The following KANSL1 variants were observed in gnomAD, a reference collection of about 807,000 sequenced individuals.
KANSL1 encodes MLL1/MLL complex subunit KANSL1.
Under a neutral mutation model 103.6 loss-of-function variants are expected in KANSL1, and 22 were observed. The ratio of observed to expected loss-of-function variants is 0.21; its 90% CI spans 0.15 to 0.30. KANSL1 has a LOEUF of 0.30. KANSL1 is among the 10% of genes least tolerant of loss of function. The pLI, the probability that KANSL1 is intolerant of heterozygous loss-of-function variation, is 1.00. For missense variants in KANSL1, 1,337 were observed against 1,399.8 expected, an observed-to-expected ratio of 0.96 and a Z score of 0.72; for synonymous variants, 600 against 527.6, an observed-to-expected ratio of 1.14 and a Z score of -1.88.
intron 2 of KANSL1, among the ~76,000 whole-genome samples, chr17:46,111,256 G>T (rs2042789856): frequency 6.6e-6 from 1 of 152,192 alleles, no homozygotes; most frequent in Non-Finnish European, 1.5e-5. Flanking sequence ...TGTCGTCCAG[G>T]CTGGAGTGCG....
intron 1 of KANSL1, chr17:46,222,957 T>C (rs1361000124): frequency 3.3e-5 from 5 of 151,132 alleles, no homozygotes; most frequent in Admixed American, 6.6e-5. Context: ...AATGGAGAGT[T>C]CTTTGGCCAT....
intron 2 of KANSL1, among the ~76,000 whole-genome samples, chr17:46,139,112 T>C (rs1436389159): frequency 3.3e-5 from 5 of 152,242 alleles, no homozygotes; most frequent in Admixed American, 1.3e-4. Flanking sequence ...AAGTCTTTCA[T>C]TGCTGCTCTA....
Position 46,050,623 on chromosome 17 carries a change from T to G in KANSL1, c.1930A>C (p.Met644Leu), listed in dbSNP as rs752955067. Residue 644 changes from methionine to leucine, a missense_variant, in exon 7 of 15, where the codon ATG becomes CTG. Met to Leu is a conservative substitution (Grantham distance 15). Coordinates refer to ENST00000432791, the MANE Select transcript of KANSL1 (RefSeq NM_015443.4). ...ALCGSGSINT[M>L]PPEIHYEAPL... ...GCTTCATAGTGAATTTCGGGAGGCA[T>G]GGTGTTGATGCTGCCTGAACCACAC... 2 of 1,613,982 alleles carry G rather than the reference T, an allele frequency of 1.2e-6. No individual in the cohort carries two copies. Among genetic ancestry groups the G allele is most frequent in the African/African-American group, 2.7e-5 (2 of 74,894 alleles).
chr17:46,099,416 G>A (rs1305320288), intron 2 of KANSL1, among the ~76,000 whole-genome samples: 2 of 151,340 alleles, frequency 1.3e-5, no homozygotes, highest in East Asian at 1.9e-4. Context: ...CTCAATATTC[G>A]AAGTGTAAAT....
At chr17:46,090,027 T>C (rs748596123) in intron 3 of KANSL1, among the ~76,000 whole-genome samples, 2 of 152,232 alleles carry the variant, frequency 1.3e-5, no homozygotes, top group Non-Finnish European at 2.9e-5. Context: ...AAAAGGGTCT[T>C]TGCAGATGTA....
At chr17:46,091,112 A>G (rs1598595603) in intron 3 of KANSL1, among the ~76,000 whole-genome samples, 1 of 152,242 alleles carries the variant, frequency 6.6e-6, no homozygotes, top group Non-Finnish European at 1.5e-5. Flanking sequence ...TAACAGTGTA[A>G]CAAGATGTGA....
At chr17:46,165,518 A>AT (rs146103384) in intron 2 of KANSL1, among the ~76,000 whole-genome samples, 19,267 of 142,814 alleles carry the variant, frequency 0.13, 1,557 homozygotes, top group East Asian at 0.44. Context: ...AGGTATTTTT[A>AT]TTTTTTTTTT....
intron 2 of KANSL1, among the ~76,000 whole-genome samples, chr17:46,111,502 G>A (rs533096875): frequency 5.3e-5 from 8 of 152,158 alleles, no homozygotes; most frequent in African/African-American, 1.9e-4. Flanking sequence ...GATCCACCGT[G>A]CCCAACCGAA....
chr17:46,189,525 G>A (rs2047206331), intron 1 of KANSL1, among the ~76,000 whole-genome samples: 1 of 152,102 alleles, frequency 6.6e-6, no homozygotes, highest in Admixed American at 6.5e-5. Flanking sequence ...CTTTAAACAT[G>A]GCGTTTACTA....
chr17:46,084,076 G>A (rs973307953), intron 3 of KANSL1, among the ~76,000 whole-genome samples: 7 of 146,756 alleles, frequency 4.8e-5, no homozygotes, highest in South Asian at 2.1e-4. Flanking sequence ...CACTTAGCCC[G>A]TATCAAAAAT....
At chr17:46,119,118 G>T (rs2043167521) in intron 2 of KANSL1, among the ~76,000 whole-genome samples, 1 of 152,064 alleles carries the variant, frequency 6.6e-6, no homozygotes, top group South Asian at 2.1e-4. Context: ...CTTTGTTCCG[G>T]GCATTGTGCT....
chr17:46,035,943 G>A (rs1171979980), intron 10 of KANSL1: 1 of 151,604 alleles, frequency 6.6e-6, no homozygotes, highest in Non-Finnish European at 1.5e-5. Flanking sequence ...CCTATTTAGA[G>A]CCAGAGATAG....
At chr17:46,197,619 C>T (rs2696441), upstream of KANSL1, among the ~76,000 whole-genome samples, 4 of 152,104 alleles carry the variant, frequency 2.6e-5, no homozygotes, top group Non-Finnish European at 4.4e-5. Context: ...CTCCAGCCTA[C>T]GCGACAGAAG....
chr17:46,152,395 AAAC>A (rs1372838226), intron 2 of KANSL1, among the ~76,000 whole-genome samples: 1 of 152,278 alleles, frequency 6.6e-6, no homozygotes, highest in African/African-American at 2.4e-5. Flanking sequence ...ACTATCAAGA[AAAC>A]AACAGAATAC....
chr17:46,044,011 T>C (rs1277108585), intron 7 of KANSL1: 1 of 139,812 alleles, frequency 7.2e-6, no homozygotes, highest in African/African-American at 2.5e-5. Flanking sequence ...AAAAAAGATA[T>C]CTTAGGAATT....
intron 3 of KANSL1, among the ~76,000 whole-genome samples, chr17:46,087,381 C>T (rs186262999): frequency 1.8e-4 from 27 of 152,116 alleles, no homozygotes; most frequent in Non-Finnish European, 3.5e-4. Context: ...GTACCTCACA[C>T]CAAAAAGGAT....
chr17:46,064,625 C>G (rs2078306737), intron 6 of KANSL1, among the ~76,000 whole-genome samples: 1 of 152,106 alleles, frequency 6.6e-6, no homozygotes, highest in African/African-American at 2.4e-5. Flanking sequence ...CACAGACAAT[C>G]CCTCCTCCTC....
At chr17:46,191,074 T>C (rs1471256485) in intron 1 of KANSL1, among the ~76,000 whole-genome samples, 2 of 152,228 alleles carry the variant, frequency 1.3e-5, no homozygotes, top group African/African-American at 4.8e-5. Flanking sequence ...TTTTTTCAAA[T>C]TGAAAAAATG....
At chr17:46,159,702 A>T (rs2532292) in intron 2 of KANSL1, among the ~76,000 whole-genome samples, 21,950 of 152,212 alleles carry the variant, frequency 0.14, 2,137 homozygotes, top group Non-Finnish European at 0.22. Context: ...TACCTTCATA[A>T]CTCAAAAGAG....
Sources: allele counts gnomAD v4.1 joint callset (sites outside exome capture counted in the v4.1 genomes callset), GRCh38; gene constraint gnomAD v4.1.1; transcripts MANE v1.5; gene names NCBI Gene and HGNC (gene_info 2026-07-23, HGNC 2026-07-21).